Variants in TAF3 observed in about 807,000 individuals in gnomAD.
TAF3 encodes TATA-box binding protein associated factor 3, also known as transcription initiation factor TFIID subunit 3.
Under a neutral mutation model 80.6 loss-of-function variants are expected in TAF3, and 7 were observed. The ratio of observed to expected loss-of-function variants is 0.09; its 90% CI spans 0.05 to 0.16. The LOEUF (loss-of-function observed/expected upper bound fraction) is 0.16. Among genes scored for constraint, TAF3 ranks in the 10% least tolerant of loss-of-function variants. The pLI is 1.00. For synonymous variants in TAF3, 444 were observed against 446.1 expected, an observed-to-expected ratio of 1.00 and a Z score of 0.06; for missense variants, 921 against 1,140.2, an observed-to-expected ratio of 0.81 and a Z score of 2.77.
At chr10:7,889,191 TC>T (rs1236674829) in intron 2 of TAF3, among the ~76,000 whole-genome samples, 16 of 152,210 alleles carry the variant, frequency 1.1e-4, no homozygotes, top group African/African-American at 3.9e-4. Flanking sequence ...CTTCTTCTGC[TC>T]CAGCCTTTGC....
chr10:8,014,950 G>T lies in TAF3; in HGVS notation c.*199G>T. 2 of 457,680 alleles carry T rather than the reference G, an allele frequency of 4.4e-6. No individual in the cohort carries two copies. 28.4% of individuals were successfully genotyped at this position (457,680 alleles called of 1,614,324 possible). On this transcript the variant is annotated 3_prime_UTR_variant, in exon 7 of 7. Coordinates refer to ENST00000344293, the MANE Select transcript of TAF3 (RefSeq NM_031923.4). ...CGCCTTGGCCTGTGGCTCCGTGGCA[G>T]TGCGACAGAAGGAAACTCAAGCAGA...
chr10:7,886,277 T>C (rs1244459), intron 2 of TAF3, among the ~76,000 whole-genome samples: 23,162 of 152,050 alleles, frequency 0.15, 1,934 homozygotes, highest in South Asian at 0.18. Context: ...AACCAGCCGC[T>C]CCCTAATGTT....
intron 3 of TAF3, among the ~76,000 whole-genome samples, 188 bp downstream of exon 3, chr10:7,965,930 AAC>A (rs1359646985): frequency 6.6e-6 from 1 of 152,220 alleles, no homozygotes; most frequent in East Asian, 1.9e-4. Flanking sequence ...TCAAGCCCTC[AAC>A]ACACTAGCAG....
chr10:7,928,127 G>A (rs544492544), intron 2 of TAF3, among the ~76,000 whole-genome samples: 2 of 152,230 alleles, frequency 1.3e-5, no homozygotes, highest in South Asian at 4.1e-4. Flanking sequence ...TATAAGGTGG[G>A]AGTAACAACA....
chr10:7,920,130 G>C (rs1837748492), intron 2 of TAF3, among the ~76,000 whole-genome samples: 1 of 152,088 alleles, frequency 6.6e-6, no homozygotes, highest in South Asian at 2.1e-4. Context: ...GCATGTGGCT[G>C]TATTCCCAGC....
At chr10:8,001,444 T>A (rs1831942560) in intron 4 of TAF3, among the ~76,000 whole-genome samples, 2 of 152,236 alleles carry the variant, frequency 1.3e-5, no homozygotes, top group Non-Finnish European at 2.9e-5. Flanking sequence ...CATGTTTGAA[T>A]AAGAACATTA....
intron 2 of TAF3, among the ~76,000 whole-genome samples, chr10:7,864,829 T>C (rs897195650): frequency 3.9e-5 from 6 of 152,218 alleles, no homozygotes; most frequent in Admixed American, 2.6e-4. Context: ...TATCTTTTTT[T>C]TTTTCCTTTT....
intron 5 of TAF3, among the ~76,000 whole-genome samples, chr10:8,013,423 T>C (rs1832072557): frequency 6.6e-6 from 1 of 152,118 alleles, no homozygotes. Flanking sequence ...TTTTTTTTTA[T>C]GAAAGGGGTT....
At chr10:7,832,070 A>T (rs1466003863) in intron 2 of TAF3, among the ~76,000 whole-genome samples, 1 of 151,914 alleles carries the variant, frequency 6.6e-6, no homozygotes, top group Admixed American at 6.6e-5. Flanking sequence ...TCTCTTAATG[A>T]TTTTCAAATG....
intron 2 of TAF3, among the ~76,000 whole-genome samples, chr10:7,836,596 G>A (rs967137100): frequency 2.0e-5 from 3 of 151,996 alleles, no homozygotes; most frequent in Admixed American, 6.6e-5. Flanking sequence ...TTCTTACCAC[G>A]AATACACCTG....
At chr10:7,832,488 T>C (rs1836811219) in intron 2 of TAF3, among the ~76,000 whole-genome samples, 1 of 152,224 alleles carries the variant, frequency 6.6e-6, no homozygotes, top group Admixed American at 6.5e-5. Context: ...CAATGTGTAG[T>C]AATTACATCA....
chr10:7,919,588 C>A (rs1403295290), intron 2 of TAF3, among the ~76,000 whole-genome samples: 1 of 151,970 alleles, frequency 6.6e-6, no homozygotes, highest in Non-Finnish European at 1.5e-5. Context: ...GGTTCCAGGA[C>A]CCCCCATAGA....
At chr10:7,864,198 G>A (rs1485543738) in intron 2 of TAF3, among the ~76,000 whole-genome samples, 1 of 152,148 alleles carries the variant, frequency 6.6e-6, no homozygotes, top group Non-Finnish European at 1.5e-5. Flanking sequence ...ATACAGAGTA[G>A]TTTCACTGCC....
At chr10:7,983,202 G>T (rs1831743001) in intron 4 of TAF3, among the ~76,000 whole-genome samples, 1 of 152,184 alleles carries the variant, frequency 6.6e-6, no homozygotes, top group Non-Finnish European at 1.5e-5. Flanking sequence ...CCGCTTCCCG[G>T]GCCTCCGTTA....
intron 2 of TAF3, among the ~76,000 whole-genome samples, chr10:7,894,650 A>T (rs1043351142): frequency 2.0e-5 from 3 of 152,234 alleles, no homozygotes; most frequent in African/African-American, 7.2e-5. Context: ...CACTTACTAT[A>T]AATGCCAAAA....
At chr10:8,006,332 C>T (rs574768077) in intron 4 of TAF3, among the ~76,000 whole-genome samples, 1 of 151,560 alleles carries the variant, frequency 6.6e-6, no homozygotes, top group Non-Finnish European at 1.5e-5. Flanking sequence ...GTCAAGACTG[C>T]GCCATTACAC....
chr10:7,992,908 T>C (rs1172026826), intron 4 of TAF3, among the ~76,000 whole-genome samples: 2 of 152,166 alleles, frequency 1.3e-5, no homozygotes, highest in Non-Finnish European at 1.5e-5. Context: ...TCCAAACAAA[T>C]TCAAAACTTA....
At chr10:7,865,473 C>T (rs904962906) in intron 2 of TAF3, among the ~76,000 whole-genome samples, 12 of 138,162 alleles carry the variant, frequency 8.7e-5, no homozygotes, top group South Asian at 2.4e-4. Context: ...AGTGAGACTC[C>T]GTCTCAAACA....
At position 8,009,432 on chromosome 10, in the gene TAF3, A is replaced by C; in HGVS notation, c.2568+102A>C. On this transcript the variant is annotated intron_variant, in intron 5 of 6. Transcript: ENST00000344293. This position sits in a 1 kb window ranked among gnomAD's most constrained non-coding sequence, Gnocchi z 4.1. The stretch of plus-strand genomic sequence containing the variant: ...GAATTTCAGACGCATTTCTCTTCAA[A>C]ATTTTATTATTTACTTAATTATTTT... 7.1e-7 allele frequency: 1 copy of C among 1,398,842 alleles called. No individual in the cohort carries two copies. The highest frequency in any genetic ancestry group is 9.4e-7 in the Non-Finnish European group (1 of 1,063,734). The allele number at this position is 1,398,842 out of a possible 1,614,324, so 86.7% of individuals were successfully genotyped here. A position where few individuals can be genotyped will look rare whatever the true frequency, so the allele number is the denominator to read the frequency against.
Sources: allele counts gnomAD v4.1 joint callset (sites outside exome capture counted in the v4.1 genomes callset), GRCh38; gene constraint gnomAD v4.1.1; non-coding constraint Gnocchi (gnomAD v3.1); transcripts MANE v1.5; gene names NCBI Gene and HGNC (gene_info 2026-07-23, HGNC 2026-07-21).